ENTREP2: variants seen among roughly 807,000 people sequenced by gnomAD.
ENTREP2 encodes endosomal transmembrane epsin interactor 2.
At chr15:29,121,311 A>G in the ENTREP2 span, 1 of 152,304 alleles carries the variant, frequency 6.6e-6, no homozygotes, top group African/African-American at 2.4e-5. Flanking sequence ...AGAACACCCC[A>G]GAGACCGAGT....
At chr15:29,328,290 T>C in the ENTREP2 span, among the ~76,000 whole-genome samples, 1 of 152,178 alleles carries the variant, frequency 6.6e-6, no homozygotes, top group Non-Finnish European at 1.5e-5. Flanking sequence ...AAGGATTAAA[T>C]AAGTGAAGTC....
chr15:29,269,573 C>G, the ENTREP2 span: 31 of 1,535,440 alleles, frequency 2.0e-5, no homozygotes, highest in Middle Eastern at 3.5e-4. Flanking sequence ...GGGGCCTCCT[C>G]GGCAAAGCCG....
chr15:29,306,321 T>C, the ENTREP2 span, among the ~76,000 whole-genome samples: 1 of 152,188 alleles, frequency 6.6e-6, no homozygotes, highest in Non-Finnish European at 1.5e-5. Flanking sequence ...GAATTGAGCA[T>C]GCTGCATTTC....
chr15:29,660,525 A>G, the ENTREP2 span, among the ~76,000 whole-genome samples: 1 of 152,190 alleles, frequency 6.6e-6, no homozygotes, highest in Non-Finnish European at 1.5e-5. Flanking sequence ...CAGCAGCACA[A>G]AATTGACTAA....
the ENTREP2 span, among the ~76,000 whole-genome samples, chr15:29,523,561 ATTTTTTTTTTTTTT>A: frequency 1.3e-5 from 1 of 78,482 alleles, no homozygotes; most frequent in Non-Finnish European, 2.5e-5. Flanking sequence ...TCCCAGCTAG[ATTTTTTTTTTTTTT>A]TTTTTTTTTT....
At chr15:29,175,544 A>C in the ENTREP2 span, among the ~76,000 whole-genome samples, 3,183 of 152,256 alleles carry the variant, frequency 0.021, 119 homozygotes, top group African/African-American at 0.072. Flanking sequence ...GTCTGAACTG[A>C]TTCTCCAGGG....
At chr15:29,554,238 C>T in the ENTREP2 span, among the ~76,000 whole-genome samples, 1 of 151,268 alleles carries the variant, frequency 6.6e-6, no homozygotes, top group East Asian at 2.0e-4. Context: ...TGCTTGAACC[C>T]AGGAGGCAGA....
the ENTREP2 span, among the ~76,000 whole-genome samples, chr15:29,633,871 A>T: frequency 6.6e-6 from 1 of 152,086 alleles, no homozygotes; most frequent in African/African-American, 2.4e-5. Flanking sequence ...AGGCGAGAGA[A>T]TCGCTTGAAC....
the ENTREP2 span, among the ~76,000 whole-genome samples, chr15:29,633,287 C>T: frequency 5.2e-3 from 795 of 152,224 alleles, 8 homozygotes; most frequent in African/African-American, 0.018. Context: ...ACCAGCTTTC[C>T]AAGGTCCCCG....
the ENTREP2 span, among the ~76,000 whole-genome samples, chr15:29,223,332 T>C: frequency 6.6e-6 from 1 of 152,248 alleles, no homozygotes; most frequent in Non-Finnish European, 1.5e-5. Flanking sequence ...TGGAGAGAGT[T>C]TGTCTGGCTT....
the ENTREP2 span, chr15:29,136,584 G>C: frequency 6.9e-7 from 1 of 1,439,980 alleles, no homozygotes; most frequent in South Asian, 1.4e-5. Context: ...CCAGAGCAGG[G>C]GCGGCCAGGG....
the ENTREP2 span, among the ~76,000 whole-genome samples, chr15:29,461,736 G>T: frequency 3.3e-5 from 5 of 152,132 alleles, no homozygotes; most frequent in African/African-American, 1.2e-4. Context: ...GCCTCCCATA[G>T]TGCTGGGATT....
At chr15:29,302,789 T>C in the ENTREP2 span, among the ~76,000 whole-genome samples, 1 of 152,214 alleles carries the variant, frequency 6.6e-6, no homozygotes, top group South Asian at 2.1e-4. Context: ...CGCTCTGTCT[T>C]GAAATATTCG....
the ENTREP2 span, among the ~76,000 whole-genome samples, chr15:29,468,318 A>C: frequency 6.6e-6 from 1 of 152,114 alleles, no homozygotes; most frequent in Non-Finnish European, 1.5e-5. Context: ...GTGAATGATT[A>C]AGAAAAGACA....
the ENTREP2 span, among the ~76,000 whole-genome samples, chr15:29,524,222 A>G: frequency 6.6e-6 from 1 of 152,352 alleles, no homozygotes; most frequent in Middle Eastern, 3.4e-3. Context: ...ATTTGCATAG[A>G]CATTTCTCCA....
At chr15:29,351,076 A>C in the ENTREP2 span, among the ~76,000 whole-genome samples, 1 of 152,208 alleles carries the variant, frequency 6.6e-6, no homozygotes, top group African/African-American at 2.4e-5. Flanking sequence ...GAGCAATGCA[A>C]ATGGTAACTT....
chr15:29,600,902 C>CCTTTTTTTTTTTTTTTTTTTTTTTTTT, the ENTREP2 span, among the ~76,000 whole-genome samples: 49 of 123,602 alleles, frequency 4.0e-4, 1 homozygote, highest in African/African-American at 1.7e-3. Flanking sequence ...ATTTTTCTTT[C>CCTTTTTTTTTTTTTTTTTTTTTTTTTT]TTTTTTTTTT....
At chr15:29,336,873 C>T in the ENTREP2 span, among the ~76,000 whole-genome samples, 7 of 152,094 alleles carry the variant, frequency 4.6e-5, no homozygotes, top group Admixed American at 2.6e-4. Flanking sequence ...ACCTAATACC[C>T]CCTCCATCCC....
chr15:29,177,187 G>A, the ENTREP2 span, among the ~76,000 whole-genome samples: 3 of 152,194 alleles, frequency 2.0e-5, no homozygotes, highest in Admixed American at 6.5e-5. Flanking sequence ...AGCGGCTGGG[G>A]GAGGATGGCA....
Sources: allele counts gnomAD v4.1 joint callset (sites outside exome capture counted in the v4.1 genomes callset), GRCh38; gene constraint gnomAD v4.1.1; transcripts MANE v1.5; gene names NCBI Gene and HGNC (gene_info 2026-07-23, HGNC 2026-07-21).